TNIK: variants seen among roughly 807,000 people sequenced by gnomAD.
TNIK encodes TRAF2 and NCK-interacting protein kinase.
TNIK carries 49 observed loss-of-function variants against 191.3 expected under a neutral mutation model. That is an observed-to-expected ratio of 0.26 (90% CI 0.20 to 0.32). TNIK has a LOEUF of 0.32. Among genes scored for constraint, TNIK ranks in the 10% least tolerant of loss-of-function variants. TNIK has a pLI of 1.00. For synonymous variants in TNIK, 594 were observed against 600.9 expected, an observed-to-expected ratio of 0.99 and a Z score of 0.17; for missense variants, 1,155 against 1,702.3, an observed-to-expected ratio of 0.68 and a Z score of 5.66.
In TNIK at chr3:171,063,750, G is replaced by A; in HGVS notation, c.*131C>T. 1.2e-6 allele frequency: 1 copy of A among 829,586 alleles called. No individual in the cohort carries two copies. The highest frequency in any genetic ancestry group is 1.9e-6 in the Non-Finnish European group (1 of 531,672). The allele number at this position is 829,586 out of a possible 1,614,324, so 51.4% of individuals were successfully genotyped here. On this transcript the variant is annotated 3_prime_UTR_variant, in exon 33 of 33. Transcript: ENST00000436636. Reference sequence around the variant, plus strand: ...GACTGTACTGGGAGGGGCGGAGGGAGAGGAAAAAGGGAAAGCGATATGTTC... The same window carrying A: ...GACTGTACTGGGAGGGGCGGAGGGAAAGGAAAAAGGGAAAGCGATATGTTC...
chr3:171,081,947 G>A (rs532158333), intron 27 of TNIK, among the ~76,000 whole-genome samples: 1 of 152,288 alleles, frequency 6.6e-6, no homozygotes, highest in Non-Finnish European at 1.5e-5. Context: ...TAACTGGAGT[G>A]CAGAAACCTT....
chr3:171,139,665 G>A (rs750312161), intron 13 of TNIK, 109 bp from the exon 14 acceptor site: 258 of 876,814 alleles, frequency 2.9e-4, no homozygotes, highest in Non-Finnish European at 3.6e-4. Flanking sequence ...AAGGAAGGAG[G>A]GGAAAAATAC....
At chr3:171,245,862 G>A (rs1745526137) in intron 2 of TNIK, among the ~76,000 whole-genome samples, 1 of 152,028 alleles carries the variant, frequency 6.6e-6, no homozygotes. Flanking sequence ...TGACTATTTT[G>A]ATTTAAGTAA....
At chr3:171,233,745 C>T (rs565210079) in intron 2 of TNIK, among the ~76,000 whole-genome samples, 18 of 152,292 alleles carry the variant, frequency 1.2e-4, no homozygotes, top group South Asian at 4.1e-4. Context: ...GTGCTTGGCA[C>T]AGCAGGCACT....
At position 171,140,457 on chromosome 3, in the gene TNIK, C is replaced by T. The variant is rs201248613; in HGVS notation, c.1274G>A (p.Arg425Gln). 160 of 1,612,450 alleles carry T rather than the reference C, an allele frequency of 9.9e-5. No homozygotes were observed. The highest frequency in any genetic ancestry group is 4.5e-4 in the Admixed American group (27 of 59,878). Reference sequence around the variant, plus strand: ...CCGGCGCATCTGCTCCTCATAGTGCCGGCGCTGCTCCCTCTCCTGCTGCTT... The same window carrying T: ...CCGGCGCATCTGCTCCTCATAGTGCTGGCGCTGCTCCCTCTCCTGCTGCTT... ...LRKQQEREQR[R>Q]HYEEQMRREE... is the part of the protein sequence containing the mutation. Residue 425 changes from arginine (R) to glutamine (Q), a missense_variant, in exon 13 of 33, where the codon CGG becomes CAG. Arg to Gln is a conservative substitution (Grantham distance 43, BLOSUM62 1). Transcript: ENST00000436636.
chr3:171,253,130 A>C (rs1360977725), intron 2 of TNIK, among the ~76,000 whole-genome samples: 4 of 151,784 alleles, frequency 2.6e-5, no homozygotes, highest in South Asian at 4.2e-4. Flanking sequence ...CCAAAAAAAA[A>C]AAAATTAGCC....
chr3:171,250,239 C>A (rs1253008536), intron 2 of TNIK, among the ~76,000 whole-genome samples: 1 of 152,196 alleles, frequency 6.6e-6, no homozygotes, highest in Non-Finnish European at 1.5e-5. Context: ...GTAATGCCAG[C>A]ACCCTCTAAT....
intron 4 of TNIK, among the ~76,000 whole-genome samples, chr3:171,202,648 C>T (rs1739558497): frequency 6.6e-6 from 1 of 152,186 alleles, no homozygotes; most frequent in Non-Finnish European, 1.5e-5. Context: ...ATTGCACATT[C>T]TTATCAAAGA....
chr3:171,103,206 A>G (rs1349048498), intron 21 of TNIK, among the ~76,000 whole-genome samples: 1 of 151,740 alleles, frequency 6.6e-6, no homozygotes, highest in Non-Finnish European at 1.5e-5. Context: ...ACATTTGCAC[A>G]TTTGCACATG....
Position 171,125,908 on chromosome 3 carries a change from T to C in TNIK, c.2013+4A>G. 6.2e-7 allele frequency: 1 copy of C among 1,613,836 alleles called. No homozygotes were observed. Among genetic ancestry groups the C allele is most frequent in the Non-Finnish European group, 8.5e-7 (1 of 1,179,860 alleles). ...ATTAAAAAAAACACCCCAGTAAATA[T>C]TACCTTTGGTGGAATGTCTTCTTCC... On this transcript the variant is annotated splice_donor_region_variant and intron_variant, in intron 17 of 32. Transcript: ENST00000436636.
chr3:171,268,159 C>T (rs1038427782), intron 2 of TNIK, among the ~76,000 whole-genome samples: 5 of 152,198 alleles, frequency 3.3e-5, no homozygotes, highest in Non-Finnish European at 7.3e-5. Flanking sequence ...TACAGTCTCT[C>T]ATTGACCAAA....
At chr3:171,323,712 A>C (rs1480907192) in intron 2 of TNIK, among the ~76,000 whole-genome samples, 40 of 152,328 alleles carry the variant, frequency 2.6e-4, no homozygotes, top group African/African-American at 7.7e-4. Context: ...AAAATTCTTT[A>C]AAAATAAACA....
At chr3:171,369,883 C>T (rs56190625) in intron 1 of TNIK, among the ~76,000 whole-genome samples, 198 bp from the exon 2 acceptor site, 8,808 of 152,220 alleles carry the variant, frequency 0.058, 401 homozygotes, top group African/African-American at 0.12. Flanking sequence ...GTTCTATTTT[C>T]TTTCCATTTT....
chr3:171,234,072 A>G (rs1177580584), intron 2 of TNIK, among the ~76,000 whole-genome samples: 2 of 152,232 alleles, frequency 1.3e-5, no homozygotes, highest in African/African-American at 4.8e-5. Context: ...AGCTGTCATG[A>G]TGATGGCAAA....
At chr3:171,412,960 A>G (rs1722595620) in intron 1 of TNIK, among the ~76,000 whole-genome samples, 1 of 152,224 alleles carries the variant, frequency 6.6e-6, no homozygotes, top group Non-Finnish European at 1.5e-5. Flanking sequence ...CATCAGGAAC[A>G]TGCACACCTC....
intron 1 of TNIK, among the ~76,000 whole-genome samples, chr3:171,393,988 A>C (rs533371468): frequency 7.9e-5 from 12 of 152,356 alleles, no homozygotes; most frequent in African/African-American, 2.6e-4. Context: ...TTAGTATATA[A>C]AATAATATAG....
At chr3:171,100,745 TGAAAAAAAAAA>T (rs1417011657) in intron 22 of TNIK, among the ~76,000 whole-genome samples, 25 of 89,784 alleles carry the variant, frequency 2.8e-4, no homozygotes, top group African/African-American at 8.8e-4. Flanking sequence ...CTCCTCACCT[TGAAAAAAAAAA>T]AAAAAAGAAA....
At position 171,066,467 on chromosome 3, in the gene TNIK, ATTTTTTTTT is replaced by A. The variant is rs145832204; in HGVS notation, c.3859+100_3859+108del. The A allele has an allele frequency of 1.1e-4, 149 of 1,312,352 alleles. No individual in the cohort carries two copies. The African/African-American group carries it at 2.0e-3, about 18-fold the overall frequency. The allele number at this position is 1,312,352 out of a possible 1,614,324, so 81.3% of individuals were successfully genotyped here. A position where few individuals can be genotyped will look rare whatever the true frequency, so the allele number is the denominator to read the frequency against. ...CAAGTCTTACAAGAGTTATTCACAG[ATTTTTTTTT>A]TTTTTTTTTTGTGGAATCAAATGGT... On this transcript the variant is annotated intron_variant, in intron 31 of 32. Transcript: ENST00000436636.
chr3:171,186,863 C>A (rs546708707), intron 7 of TNIK, among the ~76,000 whole-genome samples: 3 of 152,176 alleles, frequency 2.0e-5, no homozygotes, highest in Non-Finnish European at 4.4e-5. Flanking sequence ...TTACAGTGAT[C>A]TTAAACTATA....
Sources: gnomAD v4.1 joint callset for allele counts (sites outside exome capture counted in the v4.1 genomes callset) on GRCh38, gnomAD v4.1.1 for gene constraint, MANE v1.5 for transcripts, NCBI Gene and HGNC (gene_info 2026-07-23, HGNC 2026-07-21) for gene names.